MSRA: variants seen among roughly 807,000 people sequenced by gnomAD.
The protein encoded by MSRA is methionine sulfoxide reductase A.
Under a neutral mutation model 31.3 loss-of-function variants are expected in MSRA, and 54 were observed. The observed-to-expected ratio is 1.73, with a 90% CI of 1.39 to 2.17. The LOEUF (loss-of-function observed/expected upper bound fraction) is 2.17. MSRA is among the 30% of genes most tolerant of loss of function. The pLI, the probability that MSRA is intolerant of heterozygous loss-of-function variation, is 0.00. For synonymous variants in MSRA, 169 were observed against 116.5 expected (o/e 1.45, Z -2.90); for missense variants, 507 against 300.9 (o/e 1.69, Z -5.07).
chr8:10,114,078 G>C (rs1435496775), intron 1 of MSRA, among the ~76,000 whole-genome samples: 2 of 152,198 alleles, frequency 1.3e-5, no homozygotes, highest in African/African-American at 2.4e-5. Flanking sequence ...CTGGTCATTG[G>C]CATCTGGCTT....
chr8:10,151,786 A>G (rs1319932289), intron 1 of MSRA, among the ~76,000 whole-genome samples: 3 of 152,216 alleles, frequency 2.0e-5, no homozygotes, highest in African/African-American at 7.2e-5. Context: ...GACTGGGAAG[A>G]TGAACCTGCC....
At chr8:10,176,039 T>A (rs960339865) in intron 1 of MSRA, among the ~76,000 whole-genome samples, 2 of 152,248 alleles carry the variant, frequency 1.3e-5, no homozygotes, top group Admixed American at 6.5e-5. Context: ...AGGGCCCAAG[T>A]TGAATGGTAA....
intron 5 of MSRA, among the ~76,000 whole-genome samples, chr8:10,413,573 C>T (rs902881948): frequency 1.4e-5 from 2 of 147,770 alleles, no homozygotes; most frequent in South Asian, 4.3e-4. Flanking sequence ...TAAAGGTGCA[C>T]CAAGAACTAA....
intron 3 of MSRA, among the ~76,000 whole-genome samples, chr8:10,297,678 A>T (rs186388607): frequency 5.9e-5 from 9 of 152,308 alleles, no homozygotes; most frequent in African/African-American, 1.4e-4. Flanking sequence ...CTTAAAGGTG[A>T]GTTTGGCAAG....
chr8:10,372,294 C>T (rs750731670), intron 5 of MSRA, among the ~76,000 whole-genome samples: 4 of 152,278 alleles, frequency 2.6e-5, no homozygotes, highest in Non-Finnish European at 5.9e-5. Context: ...CAATCACAGG[C>T]CTCATTGAGC....
rs182762811 is a variant in MSRA at position 10,216,035 on chromosome 8, G to C, written c.211+8134G>C. On this transcript the variant is annotated intron_variant, in intron 2 of 5. Transcript: ENST00000317173. ...ATAGAGAACAACTAAAAGGAAAAAA[G>C]TTACTCATTATTAAATTTAACCCAA... Among the ~76,000 whole-genome samples, 11 of 152,228 alleles carry C rather than the reference G, an allele frequency of 7.2e-5. No individual in the cohort carries two copies. In the East Asian group the frequency reaches 1.9e-3, roughly 27 times the overall value.
intron 5 of MSRA, among the ~76,000 whole-genome samples, chr8:10,380,985 A>G (rs1396262472): frequency 6.6e-6 from 1 of 152,010 alleles, no homozygotes; most frequent in Non-Finnish European, 1.5e-5. Flanking sequence ...GGATGGATGG[A>G]TGAAGAGATG....
At chr8:10,401,664 C>T (rs897508777) in intron 5 of MSRA, among the ~76,000 whole-genome samples, 17 of 138,442 alleles carry the variant, frequency 1.2e-4, no homozygotes, top group Non-Finnish European at 7.8e-5. Flanking sequence ...CTTAAGTGCC[C>T]GTCATCAGAT....
At chr8:10,400,455 G>T (rs918743275) in intron 5 of MSRA, among the ~76,000 whole-genome samples, 2 of 151,986 alleles carry the variant, frequency 1.3e-5, no homozygotes, top group Non-Finnish European at 2.9e-5. Context: ...CAAGCCTATT[G>T]ACTCCCCATG....
intron 5 of MSRA, among the ~76,000 whole-genome samples, chr8:10,421,521 T>C (rs1490262034): frequency 6.6e-6 from 1 of 151,790 alleles, no homozygotes; most frequent in Non-Finnish European, 1.5e-5. Context: ...CACCTCCATG[T>C]AATAGGCTGA....
intron 5 of MSRA, 93 bp from the exon 6 acceptor site, chr8:10,428,055 C>G: frequency 7.1e-7 from 1 of 1,399,254 alleles, no homozygotes; most frequent in Non-Finnish European, 9.6e-7. Flanking sequence ...AGCCACGCGT[C>G]TGCTCACTGC....
intron 3 of MSRA, among the ~76,000 whole-genome samples, chr8:10,297,305 G>A (rs536560469): frequency 6.6e-6 from 1 of 152,306 alleles, no homozygotes; most frequent in East Asian, 1.9e-4. Context: ...GAGATGCTTA[G>A]AGAGGACATC....
intron 1 of MSRA, among the ~76,000 whole-genome samples, chr8:10,196,078 C>T (rs1807954804): frequency 6.6e-6 from 1 of 152,196 alleles, no homozygotes; most frequent in African/African-American, 2.4e-5. Flanking sequence ...AGCCACTGGA[C>T]CACTCCCCGC....
intron 1 of MSRA, among the ~76,000 whole-genome samples, chr8:10,193,427 C>G (rs1262725200): frequency 6.6e-6 from 1 of 152,188 alleles, no homozygotes; most frequent in Non-Finnish European, 1.5e-5. Flanking sequence ...CAGCAAAGCT[C>G]CATTCAGTCA....
intron 1 of MSRA, among the ~76,000 whole-genome samples, chr8:10,105,181 A>G (rs1394027948): frequency 6.6e-6 from 1 of 151,960 alleles, no homozygotes; most frequent in African/African-American, 2.4e-5. Context: ...CTCATCGAAG[A>G]TACCTTCTCA....
chr8:10,108,061 T>C (rs753991645), intron 1 of MSRA, among the ~76,000 whole-genome samples: 1 of 152,192 alleles, frequency 6.6e-6, no homozygotes, highest in African/African-American at 2.4e-5. Flanking sequence ...TTCTTGATAA[T>C]ATACTTAATG....
At chr8:10,169,517 C>T (rs932626626) in intron 1 of MSRA, among the ~76,000 whole-genome samples, 4 of 152,018 alleles carry the variant, frequency 2.6e-5, no homozygotes, top group Middle Eastern at 3.2e-3. Context: ...CATCAAACTT[C>T]GTGAAGAAAA....
chr8:10,136,544 C>T (rs1259189487), intron 1 of MSRA, among the ~76,000 whole-genome samples: 3 of 152,206 alleles, frequency 2.0e-5, no homozygotes, highest in African/African-American at 7.2e-5. Flanking sequence ...TGGACTTGTC[C>T]TCATTTTTAA....
At chr8:10,428,016 G>C in intron 5 of MSRA, 132 bp from the exon 6 acceptor site, 2 of 887,158 alleles carry the variant, frequency 2.3e-6, no homozygotes, top group Non-Finnish European at 3.3e-6. Flanking sequence ...CGGAGAGCCC[G>C]GCCTAAAGGG....
Sources: gnomAD v4.1 joint callset for allele counts (sites outside exome capture counted in the v4.1 genomes callset) on GRCh38, gnomAD v4.1.1 for gene constraint, MANE v1.5 for transcripts, NCBI Gene and HGNC (gene_info 2026-07-23, HGNC 2026-07-21) for gene names.